The following SPIDR variants were observed in gnomAD, a reference collection of about 807,000 sequenced individuals.
SPIDR encodes the protein DNA repair-scaffolding protein.
Under a neutral mutation model 104.6 loss-of-function variants are expected in SPIDR, and 93 were observed. The observed-to-expected ratio is 0.89, with a 90% CI of 0.75 to 1.06. SPIDR has a LOEUF of 1.06. Among genes scored for constraint, SPIDR ranks in the 50% least tolerant of loss-of-function variants. The pLI is 0.00. For missense variants in SPIDR, 1,154 were observed against 1,111.2 expected (o/e 1.04, Z -0.55); for synonymous variants, 431 against 416.9 (o/e 1.03, Z -0.41).
intron 5 of SPIDR, among the ~76,000 whole-genome samples, chr8:47,324,958 G>A (rs1367494649): frequency 5.3e-5 from 8 of 152,064 alleles, no homozygotes; most frequent in Admixed American, 2.0e-4. Context: ...TCTTGACATG[G>A]CCTCTTCTCT....
At chr8:47,580,245 G>A (rs901992338) in intron 8 of SPIDR, among the ~76,000 whole-genome samples, 7 of 152,106 alleles carry the variant, frequency 4.6e-5, no homozygotes, top group Admixed American at 4.6e-4. Context: ...TAGGTTTTGA[G>A]TAAGTAACAC....
At chr8:47,732,210 C>T (rs1227996814) in intron 19 of SPIDR, 1 of 702,410 alleles carries the variant, frequency 1.4e-6, no homozygotes, top group Non-Finnish European at 2.6e-6. Context: ...GTTCCTCCTA[C>T]ACATTTAACT....
At chr8:47,290,692 A>T (rs1055538449) in intron 3 of SPIDR, among the ~76,000 whole-genome samples, 8 of 152,306 alleles carry the variant, frequency 5.3e-5, no homozygotes, top group African/African-American at 1.9e-4. Flanking sequence ...ATTTTAAAAA[A>T]TTTTTTGTTT....
At chr8:47,516,942 C>CT (rs1350256234) in intron 8 of SPIDR, among the ~76,000 whole-genome samples, 2 of 152,172 alleles carry the variant, frequency 1.3e-5, no homozygotes, top group South Asian at 2.1e-4. Flanking sequence ...TTGTTATTTT[C>CT]TTTTTTTGAT....
In SPIDR at chr8:47,451,245, A is replaced by G. The variant is rs541002379; in HGVS notation, c.1097+10703A>G. On this transcript the variant is annotated intron_variant, in intron 8 of 19. Coordinates refer to ENST00000297423, the MANE Select transcript of SPIDR (RefSeq NM_001080394.4). ...GATACTGAAATTATTTAAAAACCAAAGAGAAATTCTGGAGCTGAAAGTACA... is the reference window on the plus strand; with the variant it reads ...GATACTGAAATTATTTAAAAACCAAGGAGAAATTCTGGAGCTGAAAGTACA... 2.6e-5 allele frequency among the ~76,000 whole-genome samples: 4 copies of G among 152,310 alleles called. No homozygotes were observed. In the East Asian group the frequency reaches 7.7e-4, roughly 29 times the overall value.
intron 6 of SPIDR, among the ~76,000 whole-genome samples, chr8:47,398,930 CTG>C (rs1438798403): frequency 6.6e-6 from 1 of 152,168 alleles, no homozygotes; most frequent in Non-Finnish European, 1.5e-5. Context: ...GGGCTGACCT[CTG>C]TGATTCCACG....
intron 11 of SPIDR, among the ~76,000 whole-genome samples, chr8:47,696,753 A>G (rs2079389612): frequency 6.6e-6 from 1 of 152,230 alleles, no homozygotes; most frequent in African/African-American, 2.4e-5. Flanking sequence ...ACAGAGGCAC[A>G]TGTCAGCGAG....
chr8:47,447,973 A>T (rs562093616), intron 8 of SPIDR, among the ~76,000 whole-genome samples: 13 of 152,348 alleles, frequency 8.5e-5, no homozygotes, highest in African/African-American at 2.9e-4. Flanking sequence ...CATAACTTTT[A>T]TATGCAATGG....
rs189502748 is a variant in SPIDR, at chr8:47,314,990, T to C, written c.525+20960T>C. Among the ~76,000 whole-genome samples, 183 of 152,278 alleles carry C rather than the reference T, an allele frequency of 1.2e-3. 1 individual carries two copies. Among genetic ancestry groups the C allele is most frequent in the Middle Eastern group, 3.4e-3 (1 of 294 alleles). On this transcript the variant is annotated intron_variant, in intron 5 of 19. Coordinates refer to ENST00000297423, the MANE Select transcript of SPIDR (RefSeq NM_001080394.4). Reference sequence around the variant, plus strand: ...CAGTAAGTATAAGATGGAGTTGTTATATTAATATTAGATAAGTAGACTTCA... The same window carrying C: ...CAGTAAGTATAAGATGGAGTTGTTACATTAATATTAGATAAGTAGACTTCA...
chr8:47,563,348 T>C (rs2154402202), intron 8 of SPIDR, among the ~76,000 whole-genome samples: 2 of 152,234 alleles, frequency 1.3e-5, no homozygotes, highest in Middle Eastern at 6.8e-3. Context: ...TTTTCTTTTT[T>C]TTTTAGTAGA....
chr8:47,290,191 G>A (rs1554567392), intron 3 of SPIDR, among the ~76,000 whole-genome samples: 1 of 152,022 alleles, frequency 6.6e-6, no homozygotes, highest in Non-Finnish European at 1.5e-5. Context: ...ACAGGCACCC[G>A]CAACCACGCC....
chr8:47,587,942 A>G (rs2060447761), intron 8 of SPIDR, among the ~76,000 whole-genome samples: 1 of 147,864 alleles, frequency 6.8e-6, no homozygotes, highest in African/African-American at 2.5e-5. Flanking sequence ...AATTAGGGAA[A>G]GTGATCTCCT....
chr8:47,467,080 G>A (rs1554717904), intron 8 of SPIDR, among the ~76,000 whole-genome samples: 1 of 151,888 alleles, frequency 6.6e-6, no homozygotes, highest in Non-Finnish European at 1.5e-5. Flanking sequence ...AGAATATTAT[G>A]AACATCTCTA....
chr8:47,565,523 GAT>G (rs2057676064), intron 8 of SPIDR, among the ~76,000 whole-genome samples: 1 of 151,854 alleles, frequency 6.6e-6, no homozygotes, highest in Admixed American at 6.6e-5. Context: ...AATTCTTACA[GAT>G]ATGATACAGA....
intron 8 of SPIDR, among the ~76,000 whole-genome samples, chr8:47,489,223 G>A (rs1306678152): frequency 8.5e-5 from 13 of 152,180 alleles, no homozygotes; most frequent in South Asian, 2.1e-4. Context: ...CAAACAGAGA[G>A]CCAAATCATG....
chr8:47,595,943 A>G lies in SPIDR; in HGVS notation c.1230A>G (p.Arg410=). ...GTCCGGACATACCCCTTCCAAGAAGAAGCATCTCTTTGGCCCAGATGTTTG... is the reference window on the plus strand; with the variant it reads ...GTCCGGACATACCCCTTCCAAGAAGGAGCATCTCTTTGGCCCAGATGTTTG... ...VYCPDIPLPR[R]SISLAQMFVI... Residue 410 remains arginine, a synonymous_variant, in exon 9 of 20, where the codon AGA becomes AGG. Transcript: ENST00000297423. 6.2e-7 allele frequency: 1 copy of G among 1,614,178 alleles called. No homozygotes were observed. The highest frequency in any genetic ancestry group is 8.5e-7 in the Non-Finnish European group (1 of 1,180,030).
intron 8 of SPIDR, among the ~76,000 whole-genome samples, chr8:47,560,566 C>G (rs1029127274): frequency 3.3e-5 from 5 of 152,216 alleles, no homozygotes; most frequent in Non-Finnish European, 5.9e-5. Context: ...ACAAAAGTTC[C>G]AGAAACCCAG....
intron 8 of SPIDR, among the ~76,000 whole-genome samples, chr8:47,566,000 T>TTTTTTTA (rs2057785010): frequency 1.8e-5 from 1 of 55,752 alleles, no homozygotes. Flanking sequence ...ATATTTTTTT[T>TTTTTTTA]TTTTTTTTTT....
At chr8:47,487,997 A>C (rs1298001034) in intron 8 of SPIDR, among the ~76,000 whole-genome samples, 1 of 152,238 alleles carries the variant, frequency 6.6e-6, no homozygotes, top group African/African-American at 2.4e-5. Flanking sequence ...GCAAGAAATA[A>C]CTAAGATCAG....
Sources: allele counts gnomAD v4.1 joint callset (sites outside exome capture counted in the v4.1 genomes callset), GRCh38; gene constraint gnomAD v4.1.1; transcripts MANE v1.5; gene names NCBI Gene and HGNC (gene_info 2026-07-23, HGNC 2026-07-21).